GLIS2: variants seen among roughly 807,000 people sequenced by gnomAD.
The protein encoded by GLIS2 is zinc finger protein GLIS2.
A neutral mutation model predicts 35.6 loss-of-function variants in GLIS2; 14 were observed. That is an observed-to-expected ratio of 0.39 (90% CI 0.26 to 0.61). GLIS2 has a LOEUF of 0.61. Ranked by LOEUF, GLIS2 falls within the 20% of genes least tolerant of loss-of-function variation. The pLI, the probability that GLIS2 is intolerant of heterozygous loss-of-function variation, is 0.48. For missense variants in GLIS2, 675 were observed against 713.4 expected (o/e 0.95, Z 0.61); for synonymous variants, 368 against 325.1 (o/e 1.13, Z -1.42).
chr16:4,317,110 C>T (rs1299978223), intron 1 of GLIS2, among the ~76,000 whole-genome samples: 1 of 152,192 alleles, frequency 6.6e-6, no homozygotes, highest in Admixed American at 6.5e-5. Context: ...GGAGGGCCCG[C>T]CCAGCCTGGC....
rs201118860 is a variant in GLIS2 at position 4,336,700 on chromosome 16, G to A, written c.776-25G>A. On this transcript the variant is annotated intron_variant, in intron 6 of 6. Transcript: ENST00000433375. ...AGGAAGGGGAGAGACCCCTCATGGC[G>A]GCACTGCACTGCACCACCCTGCAGG... is the stretch of plus-strand genomic sequence containing the variant. 5.2e-4 allele frequency: 815 copies of A among 1,573,560 alleles called. 2 individuals carry two copies. Among genetic ancestry groups the A allele is most frequent in the African/African-American group, 1.3e-3 (97 of 73,830 alleles).
Position 4,320,443 on chromosome 16 carries a change from T to G in GLIS2, c.-67+4189T>G, listed in dbSNP as rs1437802576. ...GGGGGGAAACTGAGGCTCTGAGACA[T>G]TTGAGGGTTTGGCCCGAGGTCACTC... On this transcript the variant is annotated intron_variant, in intron 1 of 6. Transcript: ENST00000433375. This position sits in a 1 kb window ranked among gnomAD's most constrained non-coding sequence, Gnocchi z 5.6. 6.6e-6 allele frequency among the ~76,000 whole-genome samples: 1 copy of G among 152,120 alleles called. No individual in the cohort carries two copies. Among genetic ancestry groups the G allele is most frequent in the African/African-American group, 2.4e-5 (1 of 41,504 alleles).
chr16:4,318,095 G>A (rs944389206), intron 1 of GLIS2, among the ~76,000 whole-genome samples: 1 of 152,190 alleles, frequency 6.6e-6, no homozygotes, highest in East Asian at 1.9e-4. Flanking sequence ...TGGGAAGCCA[G>A]ACAGTGAGTC....
intron 3 of GLIS2, among the ~76,000 whole-genome samples, 181 bp downstream of exon 3, chr16:4,333,700 G>A (rs900012236): frequency 6.6e-6 from 1 of 152,172 alleles, no homozygotes; most frequent in African/African-American, 2.4e-5. Flanking sequence ...CTGCCTTCTG[G>A]CAGCTTCTGG....
Position 4,332,132 on chromosome 16 carries a change from T to C in GLIS2, c.-66-83T>C. 1 of 1,020,870 alleles carries C rather than the reference T, an allele frequency of 9.8e-7. No individual in the cohort carries two copies. Among genetic ancestry groups the C allele is most frequent in the East Asian group, 2.6e-5 (1 of 38,396 alleles). The allele number at this position is 1,020,870 out of a possible 1,614,324, so 63.2% of individuals were successfully genotyped here. On this transcript the variant is annotated intron_variant, in intron 1 of 6. Transcript: ENST00000433375. The surrounding 1 kb of genome is among the most constrained non-coding windows in gnomAD (Gnocchi z 5.4). Reference sequence around the variant, plus strand: ...ACAACCTCACACTGCCCCCTGCTCCTGCTCCTGTTAGACTGTCATGAGTAC... The same window carrying C: ...ACAACCTCACACTGCCCCCTGCTCCCGCTCCTGTTAGACTGTCATGAGTAC...
Position 4,337,005 on chromosome 16 carries a change from G to A in GLIS2, c.1056G>A (p.Gln352=). The A allele has an allele frequency of 6.2e-7, 1 of 1,605,930 alleles. No homozygotes were observed. Among genetic ancestry groups the A allele is most frequent in the Non-Finnish European group, 8.5e-7 (1 of 1,178,376 alleles). ...PDGGPYVSGA[Q]IIIPNPAALF... ...GCGGCCCCTATGTCAGTGGGGCCCA[G>A]ATCATCATCCCCAACCCAGCTGCCC... The change falls in exon 7 of 7, where the codon CAG becomes CAA. Residue 352 remains glutamine, a synonymous_variant. Coordinates refer to ENST00000433375, the MANE Select transcript of GLIS2 (RefSeq NM_032575.3).
chr16:4,316,362 C>T (rs1446835440), intron 1 of GLIS2, among the ~76,000 whole-genome samples, 108 bp downstream of exon 1: 1 of 141,236 alleles, frequency 7.1e-6, no homozygotes, highest in Non-Finnish European at 1.6e-5. Context: ...CTCCCCCGCT[C>T]GCGTCCGCGC....
At chr16:4,330,044 A>G (rs939154646) in intron 1 of GLIS2, among the ~76,000 whole-genome samples, 4 of 152,116 alleles carry the variant, frequency 2.6e-5, no homozygotes, top group Admixed American at 2.6e-4. Flanking sequence ...TGGGAGGCCG[A>G]GGTGGGCAGA....
rs2053578494 is a variant in GLIS2, at chr16:4,338,094, A to G, written c.*570A>G. On this transcript the variant is annotated 3_prime_UTR_variant, in exon 7 of 7. Transcript: ENST00000433375. ...TGCAGGCCCCTGCAAAGCCCCAGGT[A>G]GAAGCATGCCCCCCAGGACAAGGCG... The G allele has an allele frequency of 1.2e-5, 2 of 170,760 alleles. No individual in the cohort carries two copies. Among genetic ancestry groups the G allele is most frequent in the African/African-American group, 4.8e-5 (2 of 41,686 alleles). The allele number at this position is 170,760 out of a possible 1,614,324, so 10.6% of individuals were successfully genotyped here.
intron 2 of GLIS2, 47 bp from the exon 3 acceptor site, chr16:4,333,300 C>A (rs1443952309): frequency 1.2e-6 from 2 of 1,608,790 alleles, no homozygotes; most frequent in Non-Finnish European, 1.7e-6. Flanking sequence ...ACCTGGCCCA[C>A]TGGGACTCTA....
intron 1 of GLIS2, among the ~76,000 whole-genome samples, chr16:4,327,430 T>C (rs1555463790): frequency 6.6e-6 from 1 of 152,240 alleles, no homozygotes; most frequent in Non-Finnish European, 1.5e-5. Context: ...TGGAAGAGAC[T>C]GTCTTTTCCG....
intron 1 of GLIS2, among the ~76,000 whole-genome samples, chr16:4,317,476 C>G (rs568062136): frequency 8.5e-5 from 13 of 152,148 alleles, no homozygotes; most frequent in African/African-American, 2.2e-4. Context: ...TTCCAGCCCC[C>G]GGGCTCAGGG....
rs776929938 is a variant in GLIS2 at position 4,337,139 on chromosome 16, G to C, written c.1190G>C (p.Gly397Ala). The C allele has an allele frequency of 6.5e-7, 1 of 1,537,046 alleles. No individual in the cohort carries two copies. Among genetic ancestry groups the C allele is most frequent in the Non-Finnish European group, 8.7e-7 (1 of 1,146,636 alleles). Reference sequence around the variant, plus strand: ...GGTGGGGGCAGTGGGGGTGGGGGGGGCATGGGCCCTGGGCTGCCAGGCCCC... The same window carrying C: ...GGTGGGGGCAGTGGGGGTGGGGGGGCCATGGGCCCTGGGCTGCCAGGCCCC... ...GNGGGSGGGG[G>A]MGPGLPGPVL... Residue 397 changes from glycine to alanine, a missense_variant, in exon 7 of 7, where the codon GGC becomes GCC. Gly to Ala is a moderately conservative substitution (Grantham distance 60). Around this residue, in one of 3 missense-constraint regions of GLIS2, gnomAD observed 317 missense variants for 283.2 expected, o/e 1.12. Coordinates refer to ENST00000433375, the MANE Select transcript of GLIS2 (RefSeq NM_032575.3).
chr16:4,323,619 T>C (rs1004848556), intron 1 of GLIS2, among the ~76,000 whole-genome samples: 4 of 152,230 alleles, frequency 2.6e-5, no homozygotes, highest in East Asian at 1.9e-4. Context: ...CCTGCTGGCG[T>C]TGGAGAAGGA....
upstream of GLIS2, among the ~76,000 whole-genome samples, chr16:4,315,893 G>A (rs1280797232): frequency 1.3e-5 from 2 of 149,050 alleles, no homozygotes. Context: ...GAGGGGTTTT[G>A]CTGGGAGGGA....
At chr16:4,321,233 G>A (rs1567217022) in intron 1 of GLIS2, among the ~76,000 whole-genome samples, 2 of 152,096 alleles carry the variant, frequency 1.3e-5, no homozygotes, top group Non-Finnish European at 2.9e-5. Flanking sequence ...TGGCCAGGGT[G>A]GTTCCTAGGG....
chr16:4,319,985 A>T (rs1353038521), intron 1 of GLIS2, among the ~76,000 whole-genome samples: 1 of 149,418 alleles, frequency 6.7e-6, no homozygotes, highest in South Asian at 2.1e-4. Context: ...GGGGCTTCCC[A>T]TCTGCCCCAG....
chr16:4,339,398 GTGT>G lies in GLIS2; in HGVS notation c.*1880_*1882del, dbSNP rs1306628277. 2 of 152,860 alleles carry G rather than the reference GTGT, an allele frequency of 1.3e-5. No homozygotes were observed. The highest frequency in any genetic ancestry group is 1.3e-4 in the Admixed American group (2 of 15,374). The allele number at this position is 152,860 out of a possible 1,614,324, so 9.5% of individuals were successfully genotyped here. ...TGTACTTTTTGTGGTTGTCATTGGT[GTGT>G]TGTTGCACATTCCAGGACGTCAGTA... is the stretch of plus-strand genomic sequence containing the variant. On this transcript the variant is annotated 3_prime_UTR_variant, in exon 7 of 7. Transcript: ENST00000433375.
At chr16:4,319,755 T>C (rs554002037) in intron 1 of GLIS2, among the ~76,000 whole-genome samples, 26 of 152,024 alleles carry the variant, frequency 1.7e-4, no homozygotes, top group Middle Eastern at 3.4e-3. Context: ...ATCATGGTGA[T>C]GATGGTGGCA....
Sources: allele counts gnomAD v4.1 joint callset (sites outside exome capture counted in the v4.1 genomes callset), GRCh38; gene constraint gnomAD v4.1.1; regional missense constraint gnomAD v4.1.1; non-coding constraint Gnocchi (gnomAD v3.1); transcripts MANE v1.5; gene names NCBI Gene and HGNC (gene_info 2026-07-23, HGNC 2026-07-21).